Variants in MYT1L observed in about 807,000 individuals in gnomAD.
MYT1L encodes the protein myelin transcription factor 1-like protein.
In MYT1L, 12 loss-of-function variants were observed where a neutral mutation model predicts 126.7. The ratio of observed to expected loss-of-function variants is 0.09; its 90% CI spans 0.06 to 0.15. The LOEUF (loss-of-function observed/expected upper bound fraction) is 0.15, where lower values mean the gene tolerates loss of function less well. Among genes scored for constraint, MYT1L ranks in the 10% least tolerant of loss-of-function variants. The pLI is 1.00. For synonymous variants in MYT1L, 541 were observed against 604.2 expected, an observed-to-expected ratio of 0.90 and a Z score of 1.53; for missense variants, 979 against 1,585.2, an observed-to-expected ratio of 0.62 and a Z score of 6.49.
intron 1 of MYT1L, among the ~76,000 whole-genome samples, chr2:2,291,809 A>C (rs1422425683): frequency 6.6e-6 from 1 of 152,216 alleles, no homozygotes; most frequent in Non-Finnish European, 1.5e-5. Context: ...AGGAGCCCAC[A>C]TGACCGGGTC....
rs115304247 is a variant in MYT1L, at chr2:1,939,846, G to A, written c.505+3136C>T. ...CTAAATGGGGTGTTGAAACACCCAC[G>A]TGGGGCTCCTCCAATGGAGACGTCC... On this transcript the variant is annotated intron_variant, in intron 9 of 24. Transcript: ENST00000647738. Among the ~76,000 whole-genome samples the A allele has an allele frequency of 8.7e-3, 1,322 of 152,350 alleles. 10 individuals carry two copies. Among genetic ancestry groups the A allele is most frequent in the Non-Finnish European group, 0.014 (985 of 68,026 alleles).
chr2:2,117,767 G>T (rs1017055142), intron 3 of MYT1L, among the ~76,000 whole-genome samples: 1 of 152,062 alleles, frequency 6.6e-6, no homozygotes, highest in African/African-American at 2.4e-5. Flanking sequence ...CTAGAAATAA[G>T]AGCTGCGTCT....
intron 13 of MYT1L, among the ~76,000 whole-genome samples, chr2:1,909,393 C>T (rs935175237): frequency 1.8e-4 from 27 of 152,298 alleles, no homozygotes; most frequent in African/African-American, 6.3e-4. Flanking sequence ...TACATCTGAA[C>T]AGTAGAATAT....
rs1459043245 is a variant in MYT1L, at chr2:1,903,204, C to T, written c.1908G>A (p.Lys636=). ...PTTTPRSNLA[K]ELEKYSKTSF... is the part of the protein sequence containing the mutation. ...AGGTCTTGGAATATTTCTCGAGCTC[C>T]TTGGCCAGGTTGGAACGCGGCGTAG... is the stretch of plus-strand genomic sequence containing the variant. The change falls in exon 14 of 25, where the codon AAG becomes AAA. Residue 636 remains lysine (K), a synonymous_variant. Transcript: ENST00000647738. 1.9e-6 allele frequency: 3 copies of T among 1,613,868 alleles called. No individual in the cohort carries two copies. The highest frequency in any genetic ancestry group is 2.5e-6 in the Non-Finnish European group (3 of 1,179,898).
chr2:1,861,688 GTGTAATCCTGGATCTGCCTGCAGCCTA>G (rs1432006780), intron 18 of MYT1L, among the ~76,000 whole-genome samples: 8 of 138,886 alleles, frequency 5.8e-5, no homozygotes, highest in African/African-American at 1.7e-4. Flanking sequence ...CCTACGGCCT[GTGTAATCCTGGATCTGCCTGCAGCCTA>G]TGTAATCCTG....
chr2:1,870,686 G>A (rs887510901), intron 18 of MYT1L, among the ~76,000 whole-genome samples: 5 of 152,190 alleles, frequency 3.3e-5, no homozygotes, highest in Admixed American at 1.3e-4. Context: ...TACACGATCT[G>A]TGTTTTCTCT....
intron 4 of MYT1L, among the ~76,000 whole-genome samples, chr2:2,014,095 C>T (rs1319213767): frequency 6.6e-6 from 1 of 152,124 alleles, no homozygotes; most frequent in Non-Finnish European, 1.5e-5. Context: ...GAGTAGATTG[C>T]CTCCTTGCAC....
intron 4 of MYT1L, among the ~76,000 whole-genome samples, chr2:2,037,576 C>T (rs571011051): frequency 1.3e-4 from 19 of 151,408 alleles, no homozygotes; most frequent in African/African-American, 3.9e-4. Flanking sequence ...GCCAACATGG[C>T]GAAACCCCAT....
Position 2,211,622 on chromosome 2 carries a change from A to G in MYT1L, c.-420-38634T>C, listed in dbSNP as rs562558843. ...GGAGTTCGAGAACAGCCTAGCCAAC[A>G]TGGTGAAACCTGTCTCTACTAAAAA... On this transcript the variant is annotated intron_variant, in intron 2 of 24. Coordinates refer to ENST00000647738, the MANE Select transcript of MYT1L (RefSeq NM_001303052.2). Among the ~76,000 whole-genome samples the G allele has an allele frequency of 1.8e-4, 28 of 152,162 alleles. No homozygotes were observed. The South Asian group carries it at 5.6e-3, about 30-fold the overall frequency.
At chr2:2,084,672 T>C (rs947907699) in intron 3 of MYT1L, among the ~76,000 whole-genome samples, 1 of 151,924 alleles carries the variant, frequency 6.6e-6, no homozygotes, top group Non-Finnish European at 1.5e-5. Flanking sequence ...CTGCAGCCTG[T>C]GAGAGACCCT....
chr2:1,997,433 A>G (rs1245613695), intron 4 of MYT1L, 86 bp from the exon 5 acceptor site: 2 of 152,546 alleles, frequency 1.3e-5, no homozygotes, highest in African/African-American at 4.8e-5. Flanking sequence ...CCTCTTTGCA[A>G]CCGTCAACAT....
At chr2:2,214,986 A>C (rs1417975861) in intron 2 of MYT1L, among the ~76,000 whole-genome samples, 1 of 152,222 alleles carries the variant, frequency 6.6e-6, no homozygotes. Context: ...ACTACATGTG[A>C]AGTGGTATAA....
At chr2:1,798,400 G>A (rs1196612584) in intron 23 of MYT1L, among the ~76,000 whole-genome samples, 1 of 152,188 alleles carries the variant, frequency 6.6e-6, no homozygotes, top group Non-Finnish European at 1.5e-5. Context: ...CCTCATCACC[G>A]GGCTGTAGGC....
chr2:1,876,693 G>T (rs2046958932), intron 18 of MYT1L, among the ~76,000 whole-genome samples: 1 of 152,134 alleles, frequency 6.6e-6, no homozygotes. Flanking sequence ...CACTGCCAGG[G>T]CTCCGGACTG....
intron 23 of MYT1L, among the ~76,000 whole-genome samples, chr2:1,796,874 G>A (rs766107243): frequency 2.0e-5 from 3 of 152,248 alleles, no homozygotes; most frequent in East Asian, 1.9e-4. Flanking sequence ...CACAAATGCC[G>A]CTTGCCCAGG....
At chr2:1,995,673 C>G (rs1237380478) in intron 5 of MYT1L, among the ~76,000 whole-genome samples, 1 of 152,150 alleles carries the variant, frequency 6.6e-6, no homozygotes. Context: ...CGTGTGGGTT[C>G]GAAGCACAGA....
intron 4 of MYT1L, among the ~76,000 whole-genome samples, chr2:2,010,277 C>G (rs1462258752): frequency 2.0e-5 from 3 of 152,272 alleles, no homozygotes; most frequent in East Asian, 3.9e-4. Context: ...CTAAATGACC[C>G]TTCAGGTCTG....
chr2:1,963,006 T>G lies in MYT1L; in HGVS notation c.152+16159A>C, dbSNP rs148925519. On this transcript the variant is annotated intron_variant, in intron 8 of 24. Coordinates refer to ENST00000647738, the MANE Select transcript of MYT1L (RefSeq NM_001303052.2). ...GAATCCTTCCCATAAGATTTTCAAT[T>G]TACTATGTCCAGGTCCATCAGAGGA... 3.2e-3 allele frequency among the ~76,000 whole-genome samples: 483 copies of G among 152,342 alleles called. 2 individuals are homozygous for G. Among genetic ancestry groups the G allele is most frequent in the Middle Eastern group, 0.01 (3 of 294 alleles).
intron 15 of MYT1L, among the ~76,000 whole-genome samples, chr2:1,891,551 C>T (rs576581525): frequency 1.3e-5 from 2 of 152,312 alleles, no homozygotes; most frequent in South Asian, 2.1e-4. Flanking sequence ...GCTGTAAATA[C>T]ACGGCTGATC....
Sources: allele counts gnomAD v4.1 joint callset (sites outside exome capture counted in the v4.1 genomes callset), GRCh38; gene constraint gnomAD v4.1.1; transcripts MANE v1.5; gene names NCBI Gene and HGNC (gene_info 2026-07-23, HGNC 2026-07-21).